HS6ST3: variants seen among roughly 807,000 people sequenced by gnomAD.
HS6ST3 encodes heparan sulfate 6-O-sulfotransferase 3, also known as heparan-sulfate 6-O-sulfotransferase 3.
A neutral mutation model predicts 36.7 loss-of-function variants in HS6ST3; 12 were observed. The observed-to-expected ratio is 0.33, with a 90% CI of 0.21 to 0.53. The LOEUF is 0.53. HS6ST3 is among the 20% of genes least tolerant of loss of function. The pLI is 0.95. For missense variants in HS6ST3, 584 were observed against 640.9 expected (o/e 0.91, Z 0.96); for synonymous variants, 240 against 257.5 (o/e 0.93, Z 0.65).
At chr13:96,511,815 C>T (rs1317500174) in intron 1 of HS6ST3, among the ~76,000 whole-genome samples, 1 of 152,098 alleles carries the variant, frequency 6.6e-6, no homozygotes, top group African/African-American at 2.4e-5. Context: ...TTATGACAAT[C>T]TTTTCCATCA....
At chr13:96,154,757 TTGTAA>T (rs2139325288) in intron 1 of HS6ST3, among the ~76,000 whole-genome samples, 2 of 152,220 alleles carry the variant, frequency 1.3e-5, no homozygotes, top group Admixed American at 1.3e-4. Flanking sequence ...TTCTAGCCTA[TTGTAA>T]TAGGAAAACT....
intron 1 of HS6ST3, among the ~76,000 whole-genome samples, chr13:96,212,841 A>G (rs2054405495): frequency 6.6e-6 from 1 of 152,188 alleles, no homozygotes; most frequent in Admixed American, 6.5e-5. Context: ...CATACATGGC[A>G]GACTCTACAT....
intron 1 of HS6ST3, among the ~76,000 whole-genome samples, chr13:96,300,510 A>G (rs1354140260): frequency 3.3e-5 from 5 of 152,160 alleles, no homozygotes. Flanking sequence ...GGGCGGTGAT[A>G]CAGAGCCAAA....
chr13:96,182,115 G>A (rs141477071), intron 1 of HS6ST3, among the ~76,000 whole-genome samples: 6 of 152,314 alleles, frequency 3.9e-5, no homozygotes, highest in Admixed American at 2.0e-4. Flanking sequence ...ATCAGAGTTC[G>A]TGACTATTGG....
At chr13:96,437,620 CAG>C (rs1362567602) in intron 1 of HS6ST3, among the ~76,000 whole-genome samples, 1 of 152,190 alleles carries the variant, frequency 6.6e-6, no homozygotes, top group Non-Finnish European at 1.5e-5. Flanking sequence ...GGATCAGAAA[CAG>C]AGCTGATGGG....
rs1025470098 is a variant in HS6ST3 at position 96,467,264 on chromosome 13, T to C, written c.708-365226T>C. ...TCTATGGGAAGCTATCTCTCAAGCA[T>C]TACTATTCAATATGATAAGAAGGAG... On this transcript the variant is annotated intron_variant, in intron 1 of 1. Transcript: ENST00000376705. 2.0e-5 allele frequency among the ~76,000 whole-genome samples: 3 copies of C among 152,304 alleles called. No individual in the cohort carries two copies. The East Asian group carries it at 5.8e-4, about 29-fold the overall frequency.
intron 1 of HS6ST3, among the ~76,000 whole-genome samples, chr13:96,460,690 G>A (rs1273985318): frequency 6.6e-6 from 1 of 152,170 alleles, no homozygotes; most frequent in African/African-American, 2.4e-5. Context: ...AACTGTGGGA[G>A]GCCATTACTT....
intron 1 of HS6ST3, among the ~76,000 whole-genome samples, chr13:96,830,303 G>A (rs1485335919): frequency 3.3e-5 from 5 of 152,116 alleles, no homozygotes; most frequent in African/African-American, 1.2e-4. Context: ...AACTCAAAGA[G>A]TATCTATAGT....
chr13:96,205,401 C>G (rs4773943), intron 1 of HS6ST3, among the ~76,000 whole-genome samples: 75,513 of 151,836 alleles, frequency 0.5, 18,937 homozygotes, highest in Admixed American at 0.58. Context: ...CAGACGTACA[C>G]TGAAGACCTG....
chr13:96,786,574 A>G (rs1244320253), intron 1 of HS6ST3, among the ~76,000 whole-genome samples: 1 of 152,132 alleles, frequency 6.6e-6, no homozygotes, highest in African/African-American at 2.4e-5. Context: ...TCTTCCACTA[A>G]ATTATAAGGA....
chr13:96,252,070 A>G (rs987842763), intron 1 of HS6ST3, among the ~76,000 whole-genome samples: 2 of 152,166 alleles, frequency 1.3e-5, no homozygotes, highest in African/African-American at 4.8e-5. Flanking sequence ...CATTTGGCAT[A>G]TAGTGTTATT....
At position 96,316,591 on chromosome 13, in the gene HS6ST3, C is replaced by T. The variant is rs139920956; in HGVS notation, c.707+225022C>T. On this transcript the variant is annotated intron_variant, in intron 1 of 1. Coordinates refer to ENST00000376705, the MANE Select transcript of HS6ST3 (RefSeq NM_153456.4). ...GAGAAGCCCACTATTCTGAAGTTAC[C>T]ATTTGGCCTCGTCTCCCCTAAATGA... 2.4e-3 allele frequency among the ~76,000 whole-genome samples: 358 copies of T among 152,268 alleles called. 2 individuals carry two copies. Among genetic ancestry groups the T allele is most frequent in the African/African-American group, 8.2e-3 (342 of 41,568 alleles).
intron 1 of HS6ST3, among the ~76,000 whole-genome samples, chr13:96,450,582 T>C (rs1311769783): frequency 6.6e-6 from 1 of 152,174 alleles, no homozygotes; most frequent in Non-Finnish European, 1.5e-5. Context: ...CTTTCATTCT[T>C]TAGTACAAAT....
At chr13:96,349,670 T>C (rs1366489054) in intron 1 of HS6ST3, among the ~76,000 whole-genome samples, 1 of 152,214 alleles carries the variant, frequency 6.6e-6, no homozygotes, top group Non-Finnish European at 1.5e-5. Flanking sequence ...TTTTGGACTT[T>C]ATTGCAACAT....
chr13:96,264,410 T>C (rs2054681415), intron 1 of HS6ST3, among the ~76,000 whole-genome samples: 1 of 152,314 alleles, frequency 6.6e-6, no homozygotes, highest in Admixed American at 6.5e-5. Flanking sequence ...TCTCCCTTGC[T>C]GCAGAAAACC....
chr13:96,346,580 AAAT>A (rs1393099728), intron 1 of HS6ST3, among the ~76,000 whole-genome samples: 15 of 150,274 alleles, frequency 1.0e-4, no homozygotes, highest in Non-Finnish European at 1.3e-4. Context: ...CTCAAAAAAA[AAAT>A]AATAATAATA....
At chr13:96,566,221 A>G (rs1310835423) in intron 1 of HS6ST3, among the ~76,000 whole-genome samples, 1 of 152,270 alleles carries the variant, frequency 6.6e-6, no homozygotes, top group East Asian at 1.9e-4. Context: ...TCAATACAGA[A>G]AGCTAACATT....
intron 1 of HS6ST3, among the ~76,000 whole-genome samples, chr13:96,320,528 A>C (rs1049074619): frequency 6.6e-6 from 1 of 152,262 alleles, no homozygotes; most frequent in Admixed American, 6.5e-5. Context: ...GCTGACAAAG[A>C]AACACAGAAG....
intron 1 of HS6ST3, among the ~76,000 whole-genome samples, chr13:96,749,915 A>G (rs1317907760): frequency 1.3e-5 from 2 of 152,206 alleles, no homozygotes; most frequent in African/African-American, 4.8e-5. Flanking sequence ...TTATATTTCT[A>G]TCTGATTCAT....
Sources: allele counts gnomAD v4.1 joint callset (sites outside exome capture counted in the v4.1 genomes callset), GRCh38; gene constraint gnomAD v4.1.1; transcripts MANE v1.5; gene names NCBI Gene and HGNC (gene_info 2026-07-23, HGNC 2026-07-21).